ERICH1: variants seen among roughly 807,000 people sequenced by gnomAD.
ERICH1 encodes glutamate rich 1, also known as glutamate-rich protein 1.
Under a neutral mutation model 39.6 loss-of-function variants are expected in ERICH1, and 56 were observed. The observed-to-expected ratio is 1.41, with a 90% CI of 1.14 to 1.77. The LOEUF (loss-of-function observed/expected upper bound fraction) is 1.77. ERICH1 is among the 40% of genes most tolerant of loss of function. ERICH1 has a pLI of 0.00. For synonymous variants in ERICH1, 313 were observed against 223.6 expected, an observed-to-expected ratio of 1.40 and a Z score of -3.57; for missense variants, 826 against 575.4, an observed-to-expected ratio of 1.44 and a Z score of -4.45.
intron 3 of ERICH1, among the ~76,000 whole-genome samples, chr8:628,965 G>A (rs914414938): frequency 4.6e-5 from 7 of 152,116 alleles, no homozygotes; most frequent in African/African-American, 9.7e-5. Flanking sequence ...GTGGGAGGGA[G>A]GGCCCGGCAC....
rs1169320553 is a variant in ERICH1 at position 647,512 on chromosome 8, T to C, written c.976+21086A>G. On this transcript the variant is annotated intron_variant, in intron 3 of 3. Transcript: ENST00000522706. ...CGATAATTTAAAAAGGACTTGAAAT[T>C]TGAAAAGAAATTTAAATTTTAAAAG... 3.0e-5 allele frequency among the ~76,000 whole-genome samples: 2 copies of C among 67,600 alleles called. 1 individual carries two copies. The highest frequency in any genetic ancestry group is 7.7e-5 in the African/African-American group (2 of 25,890). 44.3% of individuals were successfully genotyped at this position (67,600 alleles called of 152,430 possible).
chr8:629,135 T>A (rs1333983700), intron 3 of ERICH1, among the ~76,000 whole-genome samples: 1 of 152,014 alleles, frequency 6.6e-6, no homozygotes, highest in African/African-American at 2.4e-5. Context: ...CACATGACGA[T>A]CACACATGCC....
chr8:682,118 C>T (rs1431573934), intron 3 of ERICH1, among the ~76,000 whole-genome samples: 1 of 152,070 alleles, frequency 6.6e-6, no homozygotes, highest in East Asian at 1.9e-4. Flanking sequence ...CGTGTAAAAC[C>T]CCATTGTGGT....
chr8:657,347 T>G (rs2131716659), intron 3 of ERICH1, among the ~76,000 whole-genome samples: 2 of 151,606 alleles, frequency 1.3e-5, no homozygotes, highest in Middle Eastern at 3.4e-3. Flanking sequence ...TGGAGGAGAG[T>G]CTTATTGCAG....
At chr8:725,147 C>T in intron 1 of ERICH1, 1 of 190,816 alleles carries the variant, frequency 5.2e-6, no homozygotes, top group Non-Finnish European at 1.1e-5. Context: ...GCCTGCTGAC[C>T]CCTCCGGCTT....
chr8:677,040 T>C (rs12544264), intron 3 of ERICH1, among the ~76,000 whole-genome samples: 31,142 of 152,258 alleles, frequency 0.2, 3,453 homozygotes, highest in Middle Eastern at 0.36. Context: ...TATTCTCCTC[T>C]GTCTCAACAG....
intron 3 of ERICH1, among the ~76,000 whole-genome samples, chr8:680,640 A>C (rs1805909392): frequency 6.6e-6 from 1 of 152,110 alleles, no homozygotes; most frequent in Admixed American, 6.6e-5. Context: ...GTCCAAGAGA[A>C]TCCACAGCTG....
chr8:641,306 T>C (rs1487037612), intron 3 of ERICH1: 1 of 152,216 alleles, frequency 6.6e-6, no homozygotes, highest in Non-Finnish European at 1.5e-5. Flanking sequence ...ACAATCTTCA[T>C]ACTTTAAAAA....
Position 673,527 on chromosome 8 carries a change from C to T in ERICH1, c.825G>A (p.Val275=), listed in dbSNP as rs774402261. 1.2e-6 allele frequency: 2 copies of T among 1,612,524 alleles called. No individual in the cohort carries two copies. The highest frequency in any genetic ancestry group is 4.5e-5 in the East Asian group (2 of 44,794). The part of the protein sequence containing the change: ...DVKDAREEDG[V]DTIEEDLTRA... ...GTGTCAGGTCTTCCTCAATGGTGTC[C>T]ACACCGTCCTCCTCCCTGGCGTCTT... is the stretch of plus-strand genomic sequence containing the variant. Residue 275 remains valine, a synonymous_variant, in exon 4 of 6, where the codon GTG becomes GTA. Transcript: ENST00000262109.
intron 1 of ERICH1, among the ~76,000 whole-genome samples, chr8:726,427 A>G (rs1164138660): frequency 6.6e-6 from 1 of 152,044 alleles, no homozygotes; most frequent in Non-Finnish European, 1.5e-5. Context: ...CCCATGCCAC[A>G]GGCAGACACG....
chr8:634,526 GCGGCCCCGT>G (rs1368697476), intron 3 of ERICH1, among the ~76,000 whole-genome samples: 3 of 152,194 alleles, frequency 2.0e-5, no homozygotes, highest in Admixed American at 2.0e-4. Flanking sequence ...CATGCTCAGG[GCGGCCCCGT>G]CGGGCGGGCA....
chr8:668,769 C>G lies in ERICH1; in HGVS notation c.1087G>C (p.Ala363Pro), dbSNP rs1332027648. 6 of 1,611,080 alleles carry G rather than the reference C, an allele frequency of 3.7e-6. No individual in the cohort carries two copies. Among genetic ancestry groups the G allele is most frequent in the Admixed American group, 1.7e-5 (1 of 59,828 alleles). ...TCCTCAGCGGCATCTGCGAGGGCAGCTGAAGCTGCATCTCTGGAGACACCT... is the reference window on the plus strand; with the variant it reads ...TCCTCAGCGGCATCTGCGAGGGCAGGTGAAGCTGCATCTCTGGAGACACCT... ...YDGVSRDAAS[A>P]ALADAAEELL... Residue 363 changes from alanine to proline, a missense_variant, in exon 5 of 6, where the codon GCT becomes CCT. Coordinates refer to ENST00000262109, the MANE Select transcript of ERICH1 (RefSeq NM_207332.3).
chr8:616,612 A>C (rs935250237), intron 3 of ERICH1: 3 of 453,660 alleles, frequency 6.6e-6, no homozygotes, highest in Non-Finnish European at 1.3e-5. Flanking sequence ...AATAAGAGTG[A>C]GTGGGGAGAG....
rs556263648 is a variant in ERICH1, at chr8:638,891, C to T, written c.977-23607G>A. On this transcript the variant is annotated intron_variant, in intron 3 of 3. Transcript: ENST00000522706. Reference sequence around the variant, plus strand: ...ATCGCTGCTCAGTGGACGCTGCCTCCGTGGCCTTGTTCTGACCCACACTTG... The same window carrying T: ...ATCGCTGCTCAGTGGACGCTGCCTCTGTGGCCTTGTTCTGACCCACACTTG... Among the ~76,000 whole-genome samples, 5 of 152,218 alleles carry T rather than the reference C, an allele frequency of 3.3e-5. No individual in the cohort carries two copies. In the South Asian group the frequency reaches 6.2e-4, roughly 19 times the overall value.
chr8:632,457 T>A (rs191894866), intron 3 of ERICH1, among the ~76,000 whole-genome samples: 38 of 152,342 alleles, frequency 2.5e-4, no homozygotes, highest in Non-Finnish European at 5.9e-5. Flanking sequence ...TAAAAAAATG[T>A]ATGCAGCTCT....
chr8:698,094 C>T (rs1233891010), intron 2 of ERICH1, among the ~76,000 whole-genome samples: 2 of 152,230 alleles, frequency 1.3e-5, no homozygotes, highest in South Asian at 2.1e-4. Flanking sequence ...CTGCGCCCGC[C>T]GCCTGCCCCC....
chr8:700,217 A>ACGCGCACAGG (rs1811628989), intron 2 of ERICH1, among the ~76,000 whole-genome samples: 3 of 81,882 alleles, frequency 3.7e-5, no homozygotes, highest in South Asian at 5.2e-4. Context: ...AGGCGCACAC[A>ACGCGCACAGG]CCCGCACACG....
intron 3 of ERICH1, chr8:616,577 C>T (rs1415699802): frequency 2.2e-6 from 1 of 455,386 alleles, no homozygotes; most frequent in Non-Finnish European, 4.4e-6. Context: ...CAGATCAAGT[C>T]AGGGCTGGAG....
At chr8:692,337 T>C in intron 3 of ERICH1, 141 bp downstream of exon 3, 4 of 1,206,764 alleles carry the variant, frequency 3.3e-6, no homozygotes, top group Non-Finnish European at 4.6e-6. Context: ...AGGTACACCA[T>C]GTGGTTCATT....
Sources: allele counts gnomAD v4.1 joint callset (sites outside exome capture counted in the v4.1 genomes callset), GRCh38; gene constraint gnomAD v4.1.1; transcripts MANE v1.5; gene names NCBI Gene and HGNC (gene_info 2026-07-23, HGNC 2026-07-21).